PITPNC1: variants seen among roughly 807,000 people sequenced by gnomAD.
PITPNC1 encodes cytoplasmic phosphatidylinositol transfer protein 1.
Under a neutral mutation model 44.7 loss-of-function variants are expected in PITPNC1, and 18 were observed. The ratio of observed to expected loss-of-function variants is 0.40; its 90% CI spans 0.28 to 0.60. PITPNC1 has a LOEUF of 0.60. Among genes scored for constraint, PITPNC1 ranks in the 20% least tolerant of loss-of-function variants. PITPNC1 has a pLI of 0.39. For synonymous variants in PITPNC1, 141 were observed against 149.6 expected (o/e 0.94, Z 0.42); for missense variants, 290 against 418.4 (o/e 0.69, Z 2.68).
rs555304876 is a variant in PITPNC1 at position 67,423,281 on chromosome 17, A to G, written c.48+45079A>G. On this transcript the variant is annotated intron_variant, in intron 1 of 8. Transcript: ENST00000581322. Reference sequence around the variant, plus strand: ...GTTTAGCTTTCAAATCACTGGATACAAGTTGAATCAGGTCTTTTCTCTGAC... The same window carrying G: ...GTTTAGCTTTCAAATCACTGGATACGAGTTGAATCAGGTCTTTTCTCTGAC... Among the ~76,000 whole-genome samples, 5 of 152,344 alleles carry G rather than the reference A, an allele frequency of 3.3e-5. No individual in the cohort carries two copies. The East Asian group carries it at 7.7e-4, about 23-fold the overall frequency.
At chr17:67,420,352 T>C (rs923980799) in intron 1 of PITPNC1, among the ~76,000 whole-genome samples, 26 of 119,938 alleles carry the variant, frequency 2.2e-4, no homozygotes, top group Admixed American at 1.7e-3. Flanking sequence ...TCTCTCTCTC[T>C]TTCTCTCTCT....
At chr17:67,438,268 A>C (rs188068170) in intron 1 of PITPNC1, among the ~76,000 whole-genome samples, 4 of 151,452 alleles carry the variant, frequency 2.6e-5, no homozygotes, top group African/African-American at 7.3e-5. Flanking sequence ...CTGGGTTGTA[A>C]GATCTTTGTT....
At chr17:67,526,743 A>C (rs942087013) in intron 1 of PITPNC1, among the ~76,000 whole-genome samples, 5 of 152,128 alleles carry the variant, frequency 3.3e-5, no homozygotes, top group Non-Finnish European at 7.4e-5. Context: ...AAAAAAAAAA[A>C]AAAAGTTAAA....
intron 1 of PITPNC1, among the ~76,000 whole-genome samples, chr17:67,388,567 G>T (rs1598605445): frequency 6.6e-6 from 1 of 151,498 alleles, no homozygotes. Flanking sequence ...TGATCCACCT[G>T]TCTTGGCCTC....
chr17:67,582,436 T>A (rs938304242), intron 5 of PITPNC1, among the ~76,000 whole-genome samples: 3 of 152,228 alleles, frequency 2.0e-5, no homozygotes, highest in Non-Finnish European at 4.4e-5. Flanking sequence ...GCCAAAAATT[T>A]AATGAAATTG....
chr17:67,663,968 G>GT (rs1485358208), intron 6 of PITPNC1, among the ~76,000 whole-genome samples: 3 of 151,896 alleles, frequency 2.0e-5, no homozygotes, highest in Non-Finnish European at 2.9e-5. Context: ...TTTGTTTTTT[G>GT]TTTTTTTGTT....
At chr17:67,460,309 G>A (rs558778365) in intron 1 of PITPNC1, among the ~76,000 whole-genome samples, 29 of 152,288 alleles carry the variant, frequency 1.9e-4, no homozygotes, top group African/African-American at 7.0e-4. Flanking sequence ...GCAGGGTTTA[G>A]CCTTCAACTG....
rs938049353 is a variant in PITPNC1, at chr17:67,382,015, A to G, written c.48+3813A>G. ...GGTTAGGTAATGTGCTCCAGGCCACACAACTAGTTAATAGCCAAGCCAGAA... is the reference window on the plus strand; with the variant it reads ...GGTTAGGTAATGTGCTCCAGGCCACGCAACTAGTTAATAGCCAAGCCAGAA... On this transcript the variant is annotated intron_variant, in intron 1 of 8. Coordinates refer to ENST00000581322, the MANE Select transcript of PITPNC1 (RefSeq NM_012417.4). Among the ~76,000 whole-genome samples the G allele has an allele frequency of 5.9e-4, 90 of 152,236 alleles. 1 individual carries two copies. Among genetic ancestry groups the G allele is most frequent in the African/African-American group, 2.1e-3 (89 of 41,460 alleles).
At chr17:67,442,953 T>G (rs1430347211) in intron 1 of PITPNC1, among the ~76,000 whole-genome samples, 1 of 152,026 alleles carries the variant, frequency 6.6e-6, no homozygotes, top group Non-Finnish European at 1.5e-5. Flanking sequence ...CCTCCAGCTC[T>G]CACACTAATC....
chr17:67,424,477 T>C (rs1264264346), intron 1 of PITPNC1, among the ~76,000 whole-genome samples: 1 of 151,986 alleles, frequency 6.6e-6, no homozygotes, highest in South Asian at 2.1e-4. Context: ...GCCAACATGG[T>C]GAAACCTTGT....
chr17:67,571,319 C>T (rs1414779703), intron 4 of PITPNC1, among the ~76,000 whole-genome samples: 1 of 152,166 alleles, frequency 6.6e-6, no homozygotes, highest in East Asian at 1.9e-4. Flanking sequence ...GTGATCCCAG[C>T]TGTTCAGGAG....
chr17:67,416,571 T>C (rs1444634073), intron 1 of PITPNC1, among the ~76,000 whole-genome samples: 1 of 152,128 alleles, frequency 6.6e-6, no homozygotes, highest in Non-Finnish European at 1.5e-5. Context: ...CACTGTCAGA[T>C]GGCAGATGCA....
chr17:67,513,968 C>T (rs2040225132), intron 1 of PITPNC1, among the ~76,000 whole-genome samples: 1 of 151,490 alleles, frequency 6.6e-6, no homozygotes, highest in Admixed American at 6.6e-5. Context: ...CTCTTCGAAG[C>T]CCACCGAAGA....
At chr17:67,425,240 CACACACACACACACACACACACAGAG>C (rs2038743151) in intron 1 of PITPNC1, among the ~76,000 whole-genome samples, 3 of 121,448 alleles carry the variant, frequency 2.5e-5, no homozygotes, top group African/African-American at 6.0e-5. Context: ...CACACACACA[CACACACACACACACACACACACAGAG>C]GGAGAGAGAG....
Position 67,489,864 on chromosome 17 carries a change from C to A in PITPNC1, c.49-42938C>A, listed in dbSNP as rs147757057. 2.6e-5 allele frequency among the ~76,000 whole-genome samples: 4 copies of A among 152,248 alleles called. No individual in the cohort carries two copies. The East Asian group carries it at 7.7e-4, about 29-fold the overall frequency. On this transcript the variant is annotated intron_variant, in intron 1 of 8. Transcript: ENST00000581322. ...GTTCTAGCAATCCTCCCACCTTAGC[C>A]TCCCGAGTAGCTGGTATTACAGGTG...
At position 67,694,888 on chromosome 17, in the gene PITPNC1, T is replaced by C. The variant is rs764513512; in HGVS notation, c.*2000T>C. On this transcript the variant is annotated 3_prime_UTR_variant, in exon 9 of 9. Coordinates refer to ENST00000581322, the MANE Select transcript of PITPNC1 (RefSeq NM_012417.4). Reference sequence around the variant, plus strand: ...TTTCAGAAGACACTGAAATAGTATATGTATTTGCTTACCATTTGCAAGCTA... The same window carrying C: ...TTTCAGAAGACACTGAAATAGTATACGTATTTGCTTACCATTTGCAAGCTA... 5.3e-5 allele frequency: 8 copies of C among 152,352 alleles called. No homozygotes were observed. Among genetic ancestry groups the C allele is most frequent in the Non-Finnish European group, 1.0e-4 (7 of 68,028 alleles). The allele number at this position is 152,352 out of a possible 1,614,324, so 9.4% of individuals were successfully genotyped here. A position where few individuals can be genotyped will look rare whatever the true frequency, so the allele number is the denominator to read the frequency against.
At chr17:67,647,496 A>G (rs1198461625) in intron 6 of PITPNC1, among the ~76,000 whole-genome samples, 4 of 20,606 alleles carry the variant, frequency 1.9e-4, no homozygotes, top group Non-Finnish European at 3.8e-4. Context: ...TTTTTTTTGT[A>G]GAGACGGGGT....
chr17:67,538,457 A>C (rs997651155), intron 2 of PITPNC1, among the ~76,000 whole-genome samples: 5 of 152,156 alleles, frequency 3.3e-5, no homozygotes, highest in African/African-American at 1.2e-4. Flanking sequence ...AAAATTAGCC[A>C]GGTGTGGTGG....
rs548176632 is a variant in PITPNC1 at position 67,460,990 on chromosome 17, C to T, written c.49-71812C>T. 2.0e-4 allele frequency among the ~76,000 whole-genome samples: 31 copies of T among 152,272 alleles called. 1 individual carries two copies. Among genetic ancestry groups the T allele is most frequent in the Admixed American group, 1.5e-3 (23 of 15,294 alleles). On this transcript the variant is annotated intron_variant, in intron 1 of 8. Transcript: ENST00000581322. ...CTCCTGACCTCAGGTGATCCACCTGCCTCAGCTCCCAGAGTGCTGGGATTG... is the reference window on the plus strand; with the variant it reads ...CTCCTGACCTCAGGTGATCCACCTGTCTCAGCTCCCAGAGTGCTGGGATTG...
Sources: allele counts gnomAD v4.1 joint callset (sites outside exome capture counted in the v4.1 genomes callset), GRCh38; gene constraint gnomAD v4.1.1; transcripts MANE v1.5; gene names NCBI Gene and HGNC (gene_info 2026-07-23, HGNC 2026-07-21).